Variants in PLCE1 observed in about 807,000 individuals in gnomAD.
The protein encoded by PLCE1 is phospholipase C epsilon 1.
PLCE1 carries 119 observed loss-of-function variants against 242.8 expected under a neutral mutation model. The observed-to-expected ratio is 0.49, with a 90% CI of 0.42 to 0.57. PLCE1 has a LOEUF of 0.57. Among genes scored for constraint, PLCE1 ranks in the 20% least tolerant of loss-of-function variants. The pLI is 0.00. For synonymous variants in PLCE1, 945 were observed against 1,017.4 expected, an observed-to-expected ratio of 0.93 and a Z score of 1.35; for missense variants, 2,441 against 2,788.8, an observed-to-expected ratio of 0.88 and a Z score of 2.81.
chr10:94,177,119 T>C (rs1285142088), intron 4 of PLCE1, among the ~76,000 whole-genome samples: 1 of 152,178 alleles, frequency 6.6e-6, no homozygotes, highest in Non-Finnish European at 1.5e-5. Flanking sequence ...AACTGTAATG[T>C]GAGAAAAAGG....
At position 94,234,093 on chromosome 10, in the gene PLCE1, G is replaced by A. The variant is rs781446502; in HGVS notation, c.1995G>A (p.Gln665=). 2.9e-5 allele frequency: 47 copies of A among 1,613,712 alleles called. No individual in the cohort carries two copies. In the South Asian group the frequency reaches 4.8e-4, roughly 17 times the overall value. ...TAAAAATGTGGCAGTTCATGGACCA[G>A]TCTGATATTGAGACCATGAGGAGCC... The part of the protein sequence containing the change: ...KVLKMWQFMD[Q]SDIETMRSLK... Residue 665 remains glutamine (Q), a synonymous_variant, in exon 6 of 33, where the codon CAG becomes CAA. Coordinates refer to ENST00000371380, the MANE Select transcript of PLCE1 (RefSeq NM_016341.4).
At chr10:94,169,614 A>G (rs2047909616) in intron 3 of PLCE1, among the ~76,000 whole-genome samples, 1 of 152,240 alleles carries the variant, frequency 6.6e-6, no homozygotes, top group African/African-American at 2.4e-5. Flanking sequence ...GAGGAAAGCA[A>G]ACGCAGGTTT....
At chr10:94,271,225 A>G (rs1016845720) in intron 18 of PLCE1, among the ~76,000 whole-genome samples, 4 of 151,528 alleles carry the variant, frequency 2.6e-5, no homozygotes, top group Non-Finnish European at 5.9e-5. Flanking sequence ...CAGGGATGCC[A>G]GGATGTCATC....
At chr10:94,035,631 G>A (rs752296819) in intron 2 of PLCE1, among the ~76,000 whole-genome samples, 22 of 152,132 alleles carry the variant, frequency 1.4e-4, no homozygotes, top group Non-Finnish European at 2.5e-4. Flanking sequence ...GGAATAGGCT[G>A]GTTGTCCTGT....
intron 7 of PLCE1, among the ~76,000 whole-genome samples, chr10:94,240,756 GA>G (rs897284227): frequency 3.9e-5 from 6 of 152,274 alleles, no homozygotes; most frequent in Admixed American, 2.6e-4. Flanking sequence ...GTTTCTAACT[GA>G]ATGATACCAT....
At chr10:94,246,832 A>T (rs552248158) in intron 8 of PLCE1, among the ~76,000 whole-genome samples, 3 of 152,238 alleles carry the variant, frequency 2.0e-5, no homozygotes, top group Admixed American at 2.0e-4. Context: ...GTGAGAATTA[A>T]TTGAGGCTGT....
intron 7 of PLCE1, among the ~76,000 whole-genome samples, chr10:94,243,209 A>C (rs532746568): frequency 1.3e-5 from 2 of 152,290 alleles, no homozygotes; most frequent in South Asian, 2.1e-4. Context: ...ATGATACTTT[A>C]CCTCTATGGT....
At chr10:94,035,548 C>T (rs977005827) in intron 2 of PLCE1, among the ~76,000 whole-genome samples, 3 of 152,174 alleles carry the variant, frequency 2.0e-5, no homozygotes, top group East Asian at 1.9e-4. Flanking sequence ...ACTCCAGGAA[C>T]TTTTATCCCC....
At chr10:94,207,155 CGT>C (rs2049181425) in intron 4 of PLCE1, among the ~76,000 whole-genome samples, 1 of 152,158 alleles carries the variant, frequency 6.6e-6, no homozygotes, top group Non-Finnish European at 1.5e-5. Context: ...AGCCCTGGCT[CGT>C]GTGGGGAGGG....
At position 94,270,488 on chromosome 10, in the gene PLCE1, AG is replaced by A. The variant is rs755509960; in HGVS notation, c.4393del (p.Val1465TrpfsTer46). On this transcript the variant is annotated frameshift_variant, in exon 18 of 33. Coordinates refer to ENST00000371380, the MANE Select transcript of PLCE1 (RefSeq NM_016341.4). LOFTEE classifies it high-confidence loss of function. ...TLTTKIPFKE[V>X]VEAIDRSAFI... Reference sequence around the variant, plus strand: ...ATGAGCTGTTTTGGCTCTCATAGGAAGTGGTTGAAGCCATTGATCGCAGTGC... The same window carrying A: ...ATGAGCTGTTTTGGCTCTCATAGGAATGGTTGAAGCCATTGATCGCAGTGC... The A allele has an allele frequency of 6.2e-7, 1 of 1,606,620 alleles. No homozygotes were observed. The highest frequency in any genetic ancestry group is 8.5e-7 in the Non-Finnish European group (1 of 1,173,318).
intron 2 of PLCE1, among the ~76,000 whole-genome samples, chr10:94,045,024 A>C (rs1246268376): frequency 6.6e-6 from 1 of 152,110 alleles, no homozygotes; most frequent in Non-Finnish European, 1.5e-5. Flanking sequence ...CTTTAGAGAC[A>C]GGGTCTTGCT....
intron 2 of PLCE1, among the ~76,000 whole-genome samples, chr10:94,127,562 A>G (rs1042608329): frequency 6.6e-6 from 1 of 152,202 alleles, no homozygotes; most frequent in East Asian, 1.9e-4. Context: ...TCCATTAGTT[A>G]AGGAAATCAC....
intron 4 of PLCE1, among the ~76,000 whole-genome samples, chr10:94,190,808 A>G (rs959441601): frequency 6.6e-6 from 1 of 152,242 alleles, no homozygotes; most frequent in Non-Finnish European, 1.5e-5. Context: ...ATGGATGCCT[A>G]CTAGGCAGTG....
intron 9 of PLCE1, 116 bp downstream of exon 9, chr10:94,252,614 T>C (rs2137630204): frequency 2.2e-6 from 2 of 892,646 alleles, no homozygotes; most frequent in Admixed American, 2.0e-5. Context: ...AGGTATAAAA[T>C]AGAAGATACA....
chr10:94,235,694 G>T, intron 6 of PLCE1: 1 of 979,664 alleles, frequency 1.0e-6, no homozygotes, highest in Non-Finnish European at 1.2e-6. Flanking sequence ...GTGGAGTGTC[G>T]ATTCCCAGAG....
intron 3 of PLCE1, among the ~76,000 whole-genome samples, chr10:94,161,608 C>T (rs1337024232): frequency 1.3e-5 from 2 of 152,166 alleles, no homozygotes; most frequent in Admixed American, 1.3e-4. Context: ...CAAACAGGGA[C>T]AATTTGACTT....
At chr10:94,108,424 G>C (rs867345285) in intron 2 of PLCE1, 3 of 152,186 alleles carry the variant, frequency 2.0e-5, no homozygotes, top group African/African-American at 7.2e-5. Flanking sequence ...TGAAGTCTCT[G>C]CTTACTCATT....
At chr10:94,140,610 A>T (rs2136000060) in intron 3 of PLCE1, among the ~76,000 whole-genome samples, 1 of 152,350 alleles carries the variant, frequency 6.6e-6, no homozygotes, top group African/African-American at 2.4e-5. Context: ...CTCTAAAGTT[A>T]ATAGCTTTGA....
At chr10:94,163,973 A>G (rs576643079) in intron 3 of PLCE1, among the ~76,000 whole-genome samples, 1 of 152,264 alleles carries the variant, frequency 6.6e-6, no homozygotes, top group East Asian at 1.9e-4. Flanking sequence ...AATGTTGAAT[A>G]TTGGCCCCCA....
Sources: allele counts gnomAD v4.1 joint callset (sites outside exome capture counted in the v4.1 genomes callset), GRCh38; gene constraint gnomAD v4.1.1; transcripts MANE v1.5; gene names NCBI Gene and HGNC (gene_info 2026-07-23, HGNC 2026-07-21).